CDH23: variants seen among roughly 807,000 people sequenced by gnomAD.
The protein encoded by CDH23 is cadherin related 23, also known as cadherin-23.
Under a neutral mutation model 317.1 loss-of-function variants are expected in CDH23, and 189 were observed. That is an observed-to-expected ratio of 0.60 (90% CI 0.53 to 0.67). CDH23 has a LOEUF of 0.67. CDH23 is among the 30% of genes least tolerant of loss of function. The pLI is 0.00. For missense variants in CDH23, 4,401 were observed against 4,592.4 expected (o/e 0.96, Z 1.20); for synonymous variants, 1,839 against 1,876.8 (o/e 0.98, Z 0.52).
chr10:71,713,516 G>GCT, intron 28 of CDH23: 2 of 539,098 alleles, frequency 3.7e-6, no homozygotes, highest in Non-Finnish European at 3.3e-6. Context: ...GGCTGGCAAT[G>GCT]CTCCCCTCCC....
intron 18 of CDH23, 112 bp downstream of exon 18, chr10:71,682,684 C>T: frequency 7.3e-7 from 1 of 1,369,334 alleles, no homozygotes; most frequent in Non-Finnish European, 1.0e-6. Context: ...TGTCCCTGCA[C>T]CTTGGGGAGT....
chr10:71,716,132 C>T lies in CDH23; in HGVS notation c.3369+3319C>T, dbSNP rs767111664. The T allele has an allele frequency of 2.5e-5, 39 of 1,549,636 alleles. No individual in the cohort carries two copies. The South Asian group carries it at 2.7e-4, about 11-fold the overall frequency. On this transcript the variant is annotated intron_variant, in intron 28 of 69. Coordinates refer to ENST00000224721, the MANE Select transcript of CDH23 (RefSeq NM_022124.6). ...GTGGGGCATGCACTCGTGAGCCCTG[C>T]GGCGGCTCGGGTCCAGCGCGGCCGG...
intron 21 of CDH23, 48 bp from the exon 22 acceptor site, chr10:71,695,370 G>A: frequency 7.5e-7 from 1 of 1,340,964 alleles, no homozygotes; most frequent in Non-Finnish European, 1.1e-6. Context: ...CCCTGCCCTG[G>A]CCCATCTCAG....
intron 38 of CDH23, among the ~76,000 whole-genome samples, chr10:71,755,999 C>G (rs1024414155): frequency 2.6e-5 from 4 of 152,042 alleles, no homozygotes; most frequent in African/African-American, 9.7e-5. Flanking sequence ...AGATAAAAAG[C>G]CCCAACTCAT....
chr10:71,423,946 A>T lies in CDH23; in HGVS notation c.-5-15881A>T, dbSNP rs16928803. On this transcript the variant is annotated intron_variant, in intron 1 of 69. Transcript: ENST00000224721. ...TCGGGTGCTTGTGATGAGTGCAACA[A>T]GGGTGACATGCTCTACATACAACGG... is the stretch of plus-strand genomic sequence containing the variant. Among the ~76,000 whole-genome samples the T allele has an allele frequency of 5.5e-3, 832 of 152,334 alleles. 10 individuals carry two copies. Among genetic ancestry groups the T allele is most frequent in the African/African-American group, 0.019 (795 of 41,574 alleles).
At chr10:71,648,653 T>C (rs927662777) in intron 14 of CDH23, among the ~76,000 whole-genome samples, 4 of 152,242 alleles carry the variant, frequency 2.6e-5, no homozygotes, top group Non-Finnish European at 4.4e-5. Flanking sequence ...CCAGTCCAGT[T>C]TGGGGCTGGC....
At chr10:71,774,219 TGTCC>T (rs1212392905) in intron 38 of CDH23, among the ~76,000 whole-genome samples, 4 of 143,250 alleles carry the variant, frequency 2.8e-5, no homozygotes, top group Admixed American at 2.1e-4. Flanking sequence ...AGGCCTCAGC[TGTCC>T]GCCTGGCTGT....
chr10:71,532,482 C>T (rs1241169278), intron 6 of CDH23, among the ~76,000 whole-genome samples: 1 of 152,064 alleles, frequency 6.6e-6, no homozygotes, highest in Non-Finnish European at 1.5e-5. Context: ...GTGAGTTAAC[C>T]CTTAGCCTTC....
chr10:71,491,580 T>C (rs1852662442), intron 3 of CDH23, among the ~76,000 whole-genome samples: 1 of 152,208 alleles, frequency 6.6e-6, no homozygotes, highest in Non-Finnish European at 1.5e-5. Context: ...GCAGAGGCCA[T>C]ACTCTACGCC....
At chr10:71,641,354 G>A (rs1016389499) in intron 11 of CDH23, among the ~76,000 whole-genome samples, 41 of 152,276 alleles carry the variant, frequency 2.7e-4, no homozygotes, top group African/African-American at 7.9e-4. Context: ...GGTGTGATTC[G>A]CACGTGGCTG....
intron 38 of CDH23, among the ~76,000 whole-genome samples, chr10:71,766,100 GT>G (rs1840537744): frequency 6.6e-6 from 1 of 152,238 alleles, no homozygotes; most frequent in African/African-American, 2.4e-5. Flanking sequence ...GCACATGCCT[GT>G]GTGTTGTCAG....
At chr10:71,574,394 C>G (rs979812650) in intron 8 of CDH23, among the ~76,000 whole-genome samples, 4 of 152,188 alleles carry the variant, frequency 2.6e-5, no homozygotes, top group Non-Finnish European at 2.9e-5. Context: ...ATAAACTGCA[C>G]AAATTACTGC....
At chr10:71,457,395 G>A (rs139286193) in intron 3 of CDH23, among the ~76,000 whole-genome samples, 1 of 152,344 alleles carries the variant, frequency 6.6e-6, no homozygotes, top group East Asian at 1.9e-4. Context: ...CCAGCAAGCT[G>A]CCCAAGGTCC....
At position 71,467,596 on chromosome 10, in the gene CDH23, G is replaced by T. The variant is rs185778897; in HGVS notation, c.145+21201G>T. On this transcript the variant is annotated intron_variant, in intron 3 of 69. Coordinates refer to ENST00000224721, the MANE Select transcript of CDH23 (RefSeq NM_022124.6). ...GATGAAGAGCACAGGAGCTGACTGG[G>T]GGGTTCAAATCTGACTCTGCCGCCA... Among the ~76,000 whole-genome samples the T allele has an allele frequency of 2.8e-3, 419 of 152,236 alleles. 1 individual carries two copies. Among genetic ancestry groups the T allele is most frequent in the African/African-American group, 9.3e-3 (387 of 41,518 alleles).
intron 9 of CDH23, among the ~76,000 whole-genome samples, chr10:71,585,399 C>T (rs1858982100): frequency 6.6e-6 from 1 of 152,176 alleles, no homozygotes; most frequent in Non-Finnish European, 1.5e-5. Context: ...AAGGATGGGC[C>T]TCCAAGCCTT....
chr10:71,459,927 A>G (rs1334481091), intron 3 of CDH23, among the ~76,000 whole-genome samples: 1 of 152,184 alleles, frequency 6.6e-6, no homozygotes, highest in Non-Finnish European at 1.5e-5. Flanking sequence ...GTCCTTATCC[A>G]CAGACTTGGC....
intron 1 of CDH23, among the ~76,000 whole-genome samples, chr10:71,424,873 G>A (rs1161078675): frequency 2.6e-5 from 4 of 152,190 alleles, no homozygotes; most frequent in African/African-American, 7.2e-5. Flanking sequence ...TTCTGCCTGG[G>A]GGGCTGAGAG....
At chr10:71,532,793 ACT>A (rs1318387528) in intron 6 of CDH23, among the ~76,000 whole-genome samples, 26 of 141,874 alleles carry the variant, frequency 1.8e-4, no homozygotes, top group Non-Finnish European at 3.6e-4. Flanking sequence ...GCAGTGGCAC[ACT>A]CTCAGCTCAC....
At chr10:71,670,877 T>G (rs1220241701) in intron 14 of CDH23, among the ~76,000 whole-genome samples, 1 of 151,866 alleles carries the variant, frequency 6.6e-6, no homozygotes, top group Non-Finnish European at 1.5e-5. Context: ...GGGGAGCCAT[T>G]AGATGGCAAC....
Sources: gnomAD v4.1 joint callset for allele counts (sites outside exome capture counted in the v4.1 genomes callset) on GRCh38, gnomAD v4.1.1 for gene constraint, MANE v1.5 for transcripts, NCBI Gene and HGNC (gene_info 2026-07-23, HGNC 2026-07-21) for gene names.